GNAO1: variants seen among roughly 807,000 people sequenced by gnomAD.
GNAO1 encodes the protein guanine nucleotide-binding protein G(o) subunit alpha.
For missense variants in GNAO1, 166 were observed against 478.7 expected (o/e 0.35, Z 6.10); for synonymous variants, 164 against 180.7 (o/e 0.91, Z 0.74).
chr16:56,278,586 A>G (rs74023716), intron 3 of GNAO1, among the ~76,000 whole-genome samples: 2,855 of 152,284 alleles, frequency 0.019, 79 homozygotes, highest in African/African-American at 0.063. Context: ...CTCAGAGCCA[A>G]CATCCTTCCC....
chr16:56,339,422 C>T (rs2037777194), intron 6 of GNAO1, among the ~76,000 whole-genome samples: 2 of 152,256 alleles, frequency 1.3e-5, no homozygotes, highest in African/African-American at 4.8e-5. Flanking sequence ...GATGCCATGG[C>T]TAGAGGTCAG....
intron 2 of GNAO1, among the ~76,000 whole-genome samples, chr16:56,275,221 CCTT>C (rs1462994696): frequency 2.6e-5 from 4 of 152,236 alleles, no homozygotes; most frequent in African/African-American, 9.6e-5. Flanking sequence ...GTGAGCCCCT[CCTT>C]CTAGCTTTCT....
At chr16:56,286,283 T>C (rs1596842468) in intron 3 of GNAO1, among the ~76,000 whole-genome samples, 1 of 152,320 alleles carries the variant, frequency 6.6e-6, no homozygotes, top group Non-Finnish European at 1.5e-5. Context: ...AGTGGTCTTA[T>C]GTCACTGCTG....
chr16:56,345,083 CCTAGGACTCCTTAGAGGAGGCTTCA>C (rs1313684005), intron 6 of GNAO1: 1 of 985,374 alleles, frequency 1.0e-6, no homozygotes, highest in Non-Finnish European at 1.2e-6. Flanking sequence ...AAGGGAGAGT[CCTAGGACTCCTTAGAGGAGGCTTCA>C]CTGCGGAGAT....
At chr16:56,269,504 G>GATT in intron 2 of GNAO1, among the ~76,000 whole-genome samples, 1 of 152,268 alleles carries the variant, frequency 6.6e-6, no homozygotes, top group African/African-American at 2.4e-5. Flanking sequence ...ACTCTACATG[G>GATT]ATTCATTCTT....
intron 5 of GNAO1, among the ~76,000 whole-genome samples, chr16:56,336,039 C>A (rs986193735): frequency 6.6e-6 from 1 of 152,216 alleles, no homozygotes; most frequent in African/African-American, 2.4e-5. Flanking sequence ...GGACTCCTCG[C>A]TCTGGGGATT....
intron 2 of GNAO1, among the ~76,000 whole-genome samples, chr16:56,223,980 A>T (rs954195993): frequency 6.6e-6 from 1 of 152,204 alleles, no homozygotes; most frequent in African/African-American, 2.4e-5. Context: ...AAGGTCAGAG[A>T]TGAAGGGACT....
At chr16:56,291,282 A>G (rs2037229806) in intron 3 of GNAO1, among the ~76,000 whole-genome samples, 1 of 151,944 alleles carries the variant, frequency 6.6e-6, no homozygotes, top group Non-Finnish European at 1.5e-5. Flanking sequence ...AATACATGTT[A>G]TTGTTCATCG....
chr16:56,236,344 A>C (rs1028511561), intron 2 of GNAO1, among the ~76,000 whole-genome samples: 1 of 152,252 alleles, frequency 6.6e-6, no homozygotes, highest in African/African-American at 2.4e-5. Context: ...ACGCACACAC[A>C]TACAGAAGGA....
rs981161040 is a variant in GNAO1 at position 56,332,492 on chromosome 16, C to T, written c.465-2237C>T. On this transcript the variant is annotated intron_variant, in intron 4 of 8. Transcript: ENST00000262493. ...ACTAATAGCCTGATTCGTTCTCTCA[C>T]ACTACCTCCTGACATATCATCTCTC... is the stretch of plus-strand genomic sequence containing the variant. 2.6e-5 allele frequency among the ~76,000 whole-genome samples: 4 copies of T among 152,362 alleles called. 1 individual carries two copies. Among genetic ancestry groups the T allele is most frequent in the Admixed American group, 2.6e-4 (4 of 15,308 alleles).
chr16:56,355,164 A>C, intron 8 of GNAO1, 83 bp downstream of exon 8: 1 of 474,194 alleles, frequency 2.1e-6, no homozygotes, highest in East Asian at 3.4e-5. Flanking sequence ...ACCACTAACA[A>C]ATGCAAGTTG....
intron 2 of GNAO1, among the ~76,000 whole-genome samples, chr16:56,242,136 C>T (rs879396439): frequency 1.3e-5 from 2 of 152,248 alleles, no homozygotes; most frequent in East Asian, 1.9e-4. Context: ...TGGCACTTCA[C>T]CTGAGTCATT....
chr16:56,265,121 C>A (rs2143493817), intron 2 of GNAO1, among the ~76,000 whole-genome samples: 1 of 152,348 alleles, frequency 6.6e-6, no homozygotes, highest in East Asian at 1.9e-4. Context: ...AGCCCCCCAG[C>A]CCGAGCAGCT....
At chr16:56,244,249 A>T (rs550300303) in intron 2 of GNAO1, among the ~76,000 whole-genome samples, 3 of 152,334 alleles carry the variant, frequency 2.0e-5, no homozygotes, top group Admixed American at 1.3e-4. Context: ...GTTAAGGCAC[A>T]GAATTCCTGG....
chr16:56,210,441 T>C (rs1480645726), intron 2 of GNAO1, among the ~76,000 whole-genome samples: 2 of 152,234 alleles, frequency 1.3e-5, no homozygotes, highest in South Asian at 2.1e-4. Flanking sequence ...AGGAGCACAA[T>C]TGCTGGATTG....
Position 56,354,726 on chromosome 16 carries a change from A to C in GNAO1, c.878-140A>C, listed in dbSNP as rs1017844569. ...ATGCAACTATGGCTTGGAACTGCCC[A>C]GCAGTTCCTACTGCTCCCTTCCTGT... On this transcript the variant is annotated intron_variant, in intron 7 of 8. Coordinates refer to ENST00000262493, the MANE Select transcript of GNAO1 (RefSeq NM_020988.3). The surrounding 1 kb of genome is among the most constrained non-coding windows in gnomAD (Gnocchi z 4.3). 1.7e-6 allele frequency: 1 copy of C among 582,130 alleles called. No homozygotes were observed. The allele number at this position is 582,130 out of a possible 1,614,324, so 36.1% of individuals were successfully genotyped here. A position where few individuals can be genotyped will look rare whatever the true frequency, so the allele number is the denominator to read the frequency against.
chr16:56,221,997 G>A (rs1372173265), intron 2 of GNAO1, among the ~76,000 whole-genome samples: 6 of 152,186 alleles, frequency 3.9e-5, no homozygotes, highest in African/African-American at 1.4e-4. Context: ...TAGGTGGGAT[G>A]TTGAGGGAAA....
intron 3 of GNAO1, among the ~76,000 whole-genome samples, chr16:56,312,693 A>T (rs932869326): frequency 6.6e-6 from 1 of 152,252 alleles, no homozygotes; most frequent in African/African-American, 2.4e-5. Flanking sequence ...TCTCCTGAGA[A>T]TGAGCCGCAC....
At chr16:56,206,548 A>C in intron 2 of GNAO1, among the ~76,000 whole-genome samples, 1 of 152,082 alleles carries the variant, frequency 6.6e-6, no homozygotes, top group East Asian at 1.9e-4. Flanking sequence ...GGAGCTTGCA[A>C]AGGGGCACAA....
Sources: gnomAD v4.1 joint callset for allele counts (sites outside exome capture counted in the v4.1 genomes callset) on GRCh38, gnomAD v4.1.1 for gene constraint, Gnocchi (gnomAD v3.1) non-coding constraint, MANE v1.5 for transcripts, NCBI Gene and HGNC (gene_info 2026-07-23, HGNC 2026-07-21) for gene names.